SLC35F3: variants seen among roughly 807,000 people sequenced by gnomAD.
SLC35F3 encodes solute carrier family 35 member F3, also known as putative thiamine transporter SLC35F3.
SLC35F3 carries 25 observed loss-of-function variants against 49.9 expected under a neutral mutation model. The ratio of observed to expected loss-of-function variants is 0.50; its 90% CI spans 0.37 to 0.70. The LOEUF is 0.70. Among genes scored for constraint, SLC35F3 ranks in the 30% least tolerant of loss-of-function variants. SLC35F3 has a pLI of 0.00. For synonymous variants in SLC35F3, 275 were observed against 265.4 expected, an observed-to-expected ratio of 1.04 and a Z score of -0.35; for missense variants, 525 against 639.8, an observed-to-expected ratio of 0.82 and a Z score of 1.94.
chr1:233,988,324 A>G (rs989560689), intron 2 of SLC35F3, among the ~76,000 whole-genome samples: 11 of 152,194 alleles, frequency 7.2e-5, no homozygotes, highest in Non-Finnish European at 1.5e-5. Flanking sequence ...ATGAATGGGG[A>G]CAGAGGCTCA....
At chr1:234,066,441 GGT>G (rs1664618703) in intron 2 of SLC35F3, among the ~76,000 whole-genome samples, 1 of 152,194 alleles carries the variant, frequency 6.6e-6, no homozygotes, top group East Asian at 1.9e-4. Context: ...ATCCCACCAG[GGT>G]GGTTAGCTGG....
intron 2 of SLC35F3, among the ~76,000 whole-genome samples, chr1:234,206,596 T>C (rs994596141): frequency 2.0e-5 from 3 of 152,104 alleles, no homozygotes; most frequent in Non-Finnish European, 2.9e-5. Context: ...CTAGTGACTT[T>C]CCACGCATTC....
intron 2 of SLC35F3, among the ~76,000 whole-genome samples, chr1:234,199,964 G>A (rs1041115418): frequency 2.0e-5 from 3 of 152,154 alleles, no homozygotes; most frequent in African/African-American, 7.2e-5. Context: ...TTAGAATGCA[G>A]TTACCAAAAA....
At chr1:234,112,136 T>C (rs1665416262) in intron 2 of SLC35F3, among the ~76,000 whole-genome samples, 1 of 151,240 alleles carries the variant, frequency 6.6e-6, no homozygotes, top group East Asian at 1.9e-4. Flanking sequence ...AGCCCAGGAG[T>C]TCAAGACTAG....
chr1:234,192,374 A>G (rs550914945), intron 2 of SLC35F3, among the ~76,000 whole-genome samples: 2 of 152,354 alleles, frequency 1.3e-5, no homozygotes, highest in East Asian at 3.8e-4. Context: ...ATAGATGCAG[A>G]AAAAGCATTT....
intron 2 of SLC35F3, among the ~76,000 whole-genome samples, chr1:234,173,739 G>C (rs1666434469): frequency 6.6e-6 from 1 of 152,216 alleles, no homozygotes; most frequent in Non-Finnish European, 1.5e-5. Context: ...GGGACATTCT[G>C]ACCATAGCCC....
intron 3 of SLC35F3, among the ~76,000 whole-genome samples, chr1:234,243,204 A>T (rs1243374745): frequency 1.3e-5 from 2 of 152,146 alleles, no homozygotes; most frequent in Non-Finnish European, 2.9e-5. Flanking sequence ...AATACAAAAA[A>T]ATTAGCTGGG....
intron 2 of SLC35F3, among the ~76,000 whole-genome samples, chr1:233,958,640 A>G (rs1309300229): frequency 1.3e-5 from 2 of 152,258 alleles, no homozygotes; most frequent in African/African-American, 4.8e-5. Flanking sequence ...GAGATAATGC[A>G]TGAGGAAGTA....
intron 2 of SLC35F3, among the ~76,000 whole-genome samples, chr1:233,963,324 GGA>G (rs1180690642): frequency 6.7e-6 from 1 of 148,510 alleles, no homozygotes; most frequent in African/African-American, 2.5e-5. Flanking sequence ...TTTTTGAGAT[GGA>G]GTCTCGCTCT....
At chr1:233,928,101 C>G (rs79153486) in intron 2 of SLC35F3, among the ~76,000 whole-genome samples, 4,425 of 152,082 alleles carry the variant, frequency 0.029, 192 homozygotes, top group African/African-American at 0.1. Context: ...GTTCTTGGCA[C>G]TGTAAATTTT....
chr1:234,037,569 G>T (rs1412467626), intron 2 of SLC35F3, among the ~76,000 whole-genome samples: 1 of 152,208 alleles, frequency 6.6e-6, no homozygotes, highest in Non-Finnish European at 1.5e-5. Context: ...CATTTATATA[G>T]ATTACATTCC....
At chr1:234,022,067 A>C (rs1335467090) in intron 2 of SLC35F3, among the ~76,000 whole-genome samples, 1 of 152,250 alleles carries the variant, frequency 6.6e-6, no homozygotes, top group Admixed American at 6.5e-5. Flanking sequence ...AGGTCAAAGG[A>C]GAGCATAAAA....
intron 3 of SLC35F3, among the ~76,000 whole-genome samples, chr1:234,282,227 A>C (rs911809412): frequency 3.3e-5 from 5 of 152,326 alleles, no homozygotes; most frequent in Admixed American, 3.3e-4. Flanking sequence ...CGGACCCACC[A>C]GGCTGATACT....
intron 3 of SLC35F3, among the ~76,000 whole-genome samples, chr1:234,282,285 C>T (rs1234910374): frequency 6.6e-6 from 1 of 152,234 alleles, no homozygotes; most frequent in East Asian, 1.9e-4. Flanking sequence ...CTTATCTGAT[C>T]TACAAGCCTG....
chr1:233,956,045 G>T (rs181731104), intron 2 of SLC35F3, among the ~76,000 whole-genome samples: 2 of 151,614 alleles, frequency 1.3e-5, no homozygotes, highest in African/African-American at 4.9e-5. Context: ...GCGCCACCAC[G>T]CCTGGCTAAT....
rs1164212590 is a variant in SLC35F3 at position 234,247,363 on chromosome 1, G to A, written c.608+15622G>A. Among the ~76,000 whole-genome samples, 8 of 152,310 alleles carry A rather than the reference G, an allele frequency of 5.3e-5. No homozygotes were observed. In the East Asian group the frequency reaches 1.5e-3, roughly 29 times the overall value. The stretch of plus-strand genomic sequence containing the variant: ...GTTTGGTTGGCTGTTCCATTGTTCG[G>A]TAGGTTGGTTGGCTGGTCCATTTTT... On this transcript the variant is annotated intron_variant, in intron 3 of 7. Coordinates refer to ENST00000366618, the MANE Select transcript of SLC35F3 (RefSeq NM_173508.4).
intron 2 of SLC35F3, among the ~76,000 whole-genome samples, chr1:234,017,039 C>CT (rs1308695363): frequency 2.0e-5 from 3 of 152,156 alleles, no homozygotes; most frequent in African/African-American, 7.2e-5. Flanking sequence ...ATCTGCGTGT[C>CT]TTAGTAACAG....
chr1:234,087,163 T>C (rs2102875401), intron 2 of SLC35F3, among the ~76,000 whole-genome samples: 1 of 152,320 alleles, frequency 6.6e-6, no homozygotes, highest in Admixed American at 6.5e-5. Flanking sequence ...TCCAAGCCTT[T>C]GGTGTGTGCC....
chr1:233,981,294 C>A (rs919445653), intron 2 of SLC35F3, among the ~76,000 whole-genome samples: 1 of 152,196 alleles, frequency 6.6e-6, no homozygotes, highest in Admixed American at 6.5e-5. Context: ...TCATGCTGCC[C>A]CTTCACAGTC....
Sources: allele counts gnomAD v4.1 joint callset (sites outside exome capture counted in the v4.1 genomes callset), GRCh38; gene constraint gnomAD v4.1.1; transcripts MANE v1.5; gene names NCBI Gene and HGNC (gene_info 2026-07-23, HGNC 2026-07-21).